The following LHX8 variants were observed in gnomAD, a reference collection of about 807,000 sequenced individuals.
LHX8 encodes the protein LIM homeobox 8.
In LHX8, 12 loss-of-function variants were observed where a neutral mutation model predicts 40.3. The observed-to-expected ratio is 0.30, with a 90% CI of 0.19 to 0.48. The LOEUF (loss-of-function observed/expected upper bound fraction) is 0.48. LHX8 is among the 20% of genes least tolerant of loss of function. The pLI is 0.99. For missense variants in LHX8, 344 were observed against 433.7 expected (o/e 0.79, Z 1.84); for synonymous variants, 179 against 162.0 (o/e 1.10, Z -0.80).
At chr1:75,198,358 G>C in the LHX8 span, among the ~76,000 whole-genome samples, 1 of 152,134 alleles carries the variant, frequency 6.6e-6, no homozygotes, top group Non-Finnish European at 1.5e-5. Flanking sequence ...TAAAGTCCAG[G>C]TGCTGAAAGT....
At chr1:75,171,654 C>T in the LHX8 span, among the ~76,000 whole-genome samples, 4 of 152,054 alleles carry the variant, frequency 2.6e-5, no homozygotes, top group Non-Finnish European at 4.4e-5. Flanking sequence ...GCAACCATAA[C>T]AAAAATGCTA....
At chr1:75,163,681 T>C (rs1648975527), downstream of LHX8, among the ~76,000 whole-genome samples, 1 of 152,218 alleles carries the variant, frequency 6.6e-6, no homozygotes. Flanking sequence ...GCCTACATTT[T>C]CCCTTTAGTA....
chr1:75,156,745 A>T, intron 7 of LHX8, 148 bp from the exon 8 acceptor site: 1 of 777,582 alleles, frequency 1.3e-6, no homozygotes, highest in Non-Finnish European at 2.3e-6. Context: ...TTTTCTGTCT[A>T]TAGAACTTTT....
chr1:75,183,824 C>CA, the LHX8 span, among the ~76,000 whole-genome samples: 5 of 152,174 alleles, frequency 3.3e-5, no homozygotes, highest in Non-Finnish European at 7.3e-5. Context: ...TTAAAAAGCA[C>CA]AGAGTGGTAA....
At position 75,137,269 on chromosome 1, in the gene LHX8, A is replaced by G. The variant is rs754515941; in HGVS notation, c.237+8A>G. The stretch of plus-strand genomic sequence containing the variant: ...GACAAATACCTTCTCAAGGTAGGAT[A>G]GGGCCTCGGGTGCGAGGCCCAAGGG... On this transcript the variant is annotated splice_region_variant and intron_variant, in intron 3 of 8. Transcript: ENST00000356261. The G allele has an allele frequency of 1.2e-6, 2 of 1,613,244 alleles. No homozygotes were observed. Among genetic ancestry groups the G allele is most frequent in the African/African-American group, 1.3e-5 (1 of 74,992 alleles).
intron 3 of LHX8, among the ~76,000 whole-genome samples, chr1:75,139,938 T>C (rs996568972): frequency 6.6e-6 from 1 of 152,182 alleles, no homozygotes; most frequent in African/African-American, 2.4e-5. Flanking sequence ...ATTTTAGTCA[T>C]TGGATCCATT....
the LHX8 span, among the ~76,000 whole-genome samples, chr1:75,168,451 T>C: frequency 2.1e-3 from 323 of 152,308 alleles, no homozygotes; most frequent in African/African-American, 7.3e-3. Flanking sequence ...GGTCTTGAGC[T>C]CCTGATCGTA....
chr1:75,133,484 C>G (rs1366443039), upstream of LHX8, among the ~76,000 whole-genome samples: 1 of 152,102 alleles, frequency 6.6e-6, no homozygotes, highest in East Asian at 1.9e-4. Context: ...AAGCAAAATC[C>G]TATGATTCTG....
chr1:75,189,156 A>G, the LHX8 span, among the ~76,000 whole-genome samples: 155 of 152,340 alleles, frequency 1.0e-3, 3 homozygotes, highest in Non-Finnish European at 3.2e-4. Context: ...AGATATCTTT[A>G]TAGGGAACAG....
chr1:75,143,764 A>G, intron 5 of LHX8, 81 bp from the exon 6 acceptor site: 1 of 1,059,614 alleles, frequency 9.4e-7, no homozygotes, highest in Non-Finnish European at 1.5e-6. Flanking sequence ...CAAAAAGCCA[A>G]GAGATATAAG....
chr1:75,150,877 A>G (rs12726443), intron 7 of LHX8, among the ~76,000 whole-genome samples: 37,328 of 151,702 alleles, frequency 0.25, 4,952 homozygotes, highest in Middle Eastern at 0.34. Context: ...GGGTTTCACC[A>G]TGTTGGTCAG....
the LHX8 span, among the ~76,000 whole-genome samples, chr1:75,183,331 T>C: frequency 5.3e-5 from 8 of 151,968 alleles, no homozygotes; most frequent in African/African-American, 1.9e-4. Context: ...ATCATCAGAT[T>C]TTCTAAGGTC....
At chr1:75,142,789 G>A (rs1277351950) in intron 4 of LHX8, among the ~76,000 whole-genome samples, 1 of 151,998 alleles carries the variant, frequency 6.6e-6, no homozygotes, top group Non-Finnish European at 1.5e-5. Context: ...TGTTTATCTT[G>A]ATTCTTTAAG....
chr1:75,180,721 T>C, the LHX8 span, among the ~76,000 whole-genome samples: 1 of 152,198 alleles, frequency 6.6e-6, no homozygotes, highest in African/African-American at 2.4e-5. Flanking sequence ...TCAGTCGTGC[T>C]TTGTTCTCCT....
At chr1:75,197,604 G>A in the LHX8 span, among the ~76,000 whole-genome samples, 1 of 151,990 alleles carries the variant, frequency 6.6e-6, no homozygotes, top group Non-Finnish European at 1.5e-5. Context: ...GCTAATTTAG[G>A]ACTCACTAAA....
chr1:75,174,552 C>T, the LHX8 span, among the ~76,000 whole-genome samples: 1 of 152,164 alleles, frequency 6.6e-6, no homozygotes, highest in Non-Finnish European at 1.5e-5. Context: ...ACAGCCATTG[C>T]CCCAAGACAG....
intron 7 of LHX8, among the ~76,000 whole-genome samples, chr1:75,150,672 AT>A (rs946917816): frequency 2.7e-5 from 4 of 150,740 alleles, no homozygotes; most frequent in African/African-American, 9.8e-5. Flanking sequence ...ATGGAAAATA[AT>A]TTTATTTCTT....
intron 2 of LHX8, among the ~76,000 whole-genome samples, 161 bp downstream of exon 2, chr1:75,136,850 T>C (rs1237407302): frequency 6.6e-6 from 1 of 151,144 alleles, no homozygotes; most frequent in Non-Finnish European, 1.5e-5. Flanking sequence ...GAAGCTTAGC[T>C]GGCCCGCGAG....
At chr1:75,172,562 C>T in the LHX8 span, among the ~76,000 whole-genome samples, 1 of 152,196 alleles carries the variant, frequency 6.6e-6, no homozygotes, top group Non-Finnish European at 1.5e-5. Flanking sequence ...ATGAAATTCA[C>T]ATCATTTCCC....
Sources: allele counts gnomAD v4.1 joint callset (sites outside exome capture counted in the v4.1 genomes callset), GRCh38; gene constraint gnomAD v4.1.1; transcripts MANE v1.5; gene names NCBI Gene and HGNC (gene_info 2026-07-23, HGNC 2026-07-21).